Variants in AKR1D1 observed in about 807,000 individuals in gnomAD.
AKR1D1 encodes the protein aldo-keto reductase family 1 member D1.
AKR1D1 carries 32 observed loss-of-function variants against 42.6 expected under a neutral mutation model. The observed-to-expected ratio is 0.75, with a 90% CI of 0.57 to 1.01. The LOEUF is 1.01. AKR1D1 is among the 50% of genes least tolerant of loss of function. AKR1D1 has a pLI of 0.00. For synonymous variants in AKR1D1, 123 were observed against 135.5 expected, an observed-to-expected ratio of 0.91 and a Z score of 0.64; for missense variants, 364 against 402.2, an observed-to-expected ratio of 0.91 and a Z score of 0.81.
At chr7:138,114,275 TC>T (rs1047922947) in intron 8 of AKR1D1, among the ~76,000 whole-genome samples, 2 of 152,188 alleles carry the variant, frequency 1.3e-5, no homozygotes, top group African/African-American at 4.8e-5. Flanking sequence ...TTAGCTGACT[TC>T]CTACAAGCAA....
At chr7:138,081,516 T>A (rs1803056810) in intron 1 of AKR1D1, among the ~76,000 whole-genome samples, 1 of 117,984 alleles carries the variant, frequency 8.5e-6, no homozygotes, top group Non-Finnish European at 1.8e-5. Flanking sequence ...CTTTTTTTTT[T>A]TTTTTTTTTT....
chr7:138,109,629 G>A (rs1038818182), intron 7 of AKR1D1, among the ~76,000 whole-genome samples: 1 of 152,222 alleles, frequency 6.6e-6, no homozygotes, highest in East Asian at 1.9e-4. Context: ...AGGAAAGTTC[G>A]TAAAAAGAAA....
At chr7:138,114,681 A>G (rs1468524484) in intron 8 of AKR1D1, among the ~76,000 whole-genome samples, 1 of 146,774 alleles carries the variant, frequency 6.8e-6, no homozygotes, top group Admixed American at 6.8e-5. Flanking sequence ...AAAAAAAAAG[A>G]ATATATTTGC....
chr7:138,093,094 G>C, intron 3 of AKR1D1, among the ~76,000 whole-genome samples: 1 of 141,792 alleles, frequency 7.1e-6, no homozygotes, highest in African/African-American at 2.7e-5. Context: ...TTTTGAGACA[G>C]AGTCTCGCTC....
intron 3 of AKR1D1, among the ~76,000 whole-genome samples, chr7:138,093,013 AT>A (rs1383465602): frequency 2.0e-5 from 3 of 151,854 alleles, no homozygotes; most frequent in Non-Finnish European, 4.4e-5. Flanking sequence ...AAATGTTTTA[AT>A]TTTTTAACTT....
At chr7:138,087,498 T>C (rs1211418397) in intron 1 of AKR1D1, among the ~76,000 whole-genome samples, 2 of 152,210 alleles carry the variant, frequency 1.3e-5, no homozygotes, top group Non-Finnish European at 2.9e-5. Flanking sequence ...TCCTAAAACA[T>C]AAAATGTTCC....
intron 1 of AKR1D1, among the ~76,000 whole-genome samples, chr7:138,086,212 G>T (rs1009285227): frequency 6.6e-6 from 1 of 151,950 alleles, no homozygotes; most frequent in Admixed American, 6.6e-5. Flanking sequence ...TAATAATAAT[G>T]ATAATAATGT....
At chr7:138,080,451 G>A (rs7784561) in intron 1 of AKR1D1, among the ~76,000 whole-genome samples, 6 of 152,152 alleles carry the variant, frequency 3.9e-5, no homozygotes, top group South Asian at 2.1e-4. Context: ...CCTTTAGGGT[G>A]GGGGTGCCAG....
At chr7:138,108,599 TTAA>T (rs1794477790) in intron 7 of AKR1D1, among the ~76,000 whole-genome samples, 2 of 152,144 alleles carry the variant, frequency 1.3e-5, no homozygotes, top group Non-Finnish European at 2.9e-5. Context: ...CCTAAAAAAG[TTAA>T]TCACATAAAA....
At chr7:138,112,079 A>G (rs1794547072) in intron 7 of AKR1D1, among the ~76,000 whole-genome samples, 1 of 152,198 alleles carries the variant, frequency 6.6e-6, no homozygotes, top group Non-Finnish European at 1.5e-5. Flanking sequence ...TATAATTAGA[A>G]CAAATCTCCA....
intron 1 of AKR1D1, among the ~76,000 whole-genome samples, chr7:138,079,720 A>G (rs940269545): frequency 2.0e-5 from 3 of 152,248 alleles, no homozygotes; most frequent in Non-Finnish European, 2.9e-5. Flanking sequence ...ACATCTTACA[A>G]TGGATTTCCA....
intron 7 of AKR1D1, among the ~76,000 whole-genome samples, chr7:138,110,408 G>A (rs1003669317): frequency 4.6e-5 from 7 of 152,028 alleles, no homozygotes; most frequent in South Asian, 4.2e-4. Context: ...AGAGCAGCCT[G>A]GGCAACAAAG....
intron 8 of AKR1D1, 44 bp downstream of exon 8, chr7:138,113,816 A>T (rs762812138): frequency 6.4e-7 from 1 of 1,560,510 alleles, no homozygotes; most frequent in Non-Finnish European, 8.8e-7. Context: ...AGTGGTATTG[A>T]ATGGTCATGT....
intron 3 of AKR1D1, among the ~76,000 whole-genome samples, 193 bp from the exon 4 acceptor site, chr7:138,097,673 G>A (rs927165413): frequency 5.3e-5 from 8 of 152,136 alleles, no homozygotes; most frequent in Admixed American, 4.6e-4. Context: ...GACAGGTACT[G>A]GCATCCCAGG....
intron 2 of AKR1D1, among the ~76,000 whole-genome samples, chr7:138,089,946 C>T (rs935135174): frequency 4.6e-5 from 7 of 152,088 alleles, no homozygotes; most frequent in African/African-American, 1.4e-4. Flanking sequence ...CATTTCTGGA[C>T]CTCAATTTTT....
intron 4 of AKR1D1, among the ~76,000 whole-genome samples, chr7:138,104,262 C>A (rs553878650): frequency 7.2e-5 from 11 of 151,974 alleles, no homozygotes; most frequent in Non-Finnish European, 1.2e-4. Flanking sequence ...TACTGAGAAG[C>A]CAAGAAGAGC....
rs551674432 is a variant in AKR1D1 at position 138,110,610 on chromosome 7, G to A, written c.855+3030G>A. On this transcript the variant is annotated intron_variant, in intron 7 of 8. Coordinates refer to ENST00000242375, the MANE Select transcript of AKR1D1 (RefSeq NM_005989.4). ...TCTACTAAAAATACAAAAATTAGCC[G>A]GGCATGGTCATGGGCGCCTGTAATC... 4.6e-5 allele frequency among the ~76,000 whole-genome samples: 7 copies of A among 152,022 alleles called. No individual in the cohort carries two copies. The South Asian group carries it at 6.3e-4, about 14-fold the overall frequency.
intron 8 of AKR1D1, 50 bp downstream of exon 8, chr7:138,113,822 C>T: frequency 1.3e-6 from 2 of 1,543,048 alleles, no homozygotes. Flanking sequence ...ATTGAATGGT[C>T]ATGTGTCAAG....
chr7:138,088,584 C>A lies in AKR1D1; in HGVS notation c.94-17C>A. 6.2e-7 allele frequency: 1 copy of A among 1,614,100 alleles called. No homozygotes were observed. Among genetic ancestry groups the A allele is most frequent in the Non-Finnish European group, 8.5e-7 (1 of 1,179,958 alleles). Reference sequence around the variant, plus strand: ...CCATTTCTCTTTTCCCCAAACCCAACCTCTTTGTCACTTCAGACCCCTAAG... The same window carrying A: ...CCATTTCTCTTTTCCCCAAACCCAAACTCTTTGTCACTTCAGACCCCTAAG... On this transcript the variant is annotated splice_polypyrimidine_tract_variant and intron_variant, in intron 1 of 8. Coordinates refer to ENST00000242375, the MANE Select transcript of AKR1D1 (RefSeq NM_005989.4).
Sources: gnomAD v4.1 joint callset for allele counts (sites outside exome capture counted in the v4.1 genomes callset) on GRCh38, gnomAD v4.1.1 for gene constraint, MANE v1.5 for transcripts, NCBI Gene and HGNC (gene_info 2026-07-23, HGNC 2026-07-21) for gene names.